The following P2RY12 variants were observed in gnomAD, a reference collection of about 807,000 sequenced individuals.
The protein encoded by P2RY12 is P2Y purinoceptor 12.
A neutral mutation model predicts 4.5 loss-of-function variants in P2RY12; 3 were observed. That is an observed-to-expected ratio of 0.67 (90% CI 0.31 to 1.74). The LOEUF (loss-of-function observed/expected upper bound fraction) is 1.74. P2RY12 is among the 40% of genes most tolerant of loss of function. The probability of loss-of-function intolerance (pLI) is 0.09; values close to 1 mark genes in which losing one functional copy is unlikely to be tolerated. For synonymous variants in P2RY12, 148 were observed against 154.1 expected (o/e 0.96, Z 0.29); for missense variants, 356 against 407.8 (o/e 0.87, Z 1.09).
At chr3:151,384,324 T>A in intron 1 of P2RY12, 1 of 1,147,918 alleles carries the variant, frequency 8.7e-7, no homozygotes, top group Non-Finnish European at 1.2e-6. Context: ...GTATTCAACT[T>A]AATTTAATGT....
intron 1 of P2RY12, among the ~76,000 whole-genome samples, chr3:151,368,586 A>ATTTATTTTATTTTATTTTATTTTAT (rs71637017): frequency 9.9e-5 from 12 of 120,802 alleles, no homozygotes; most frequent in African/African-American, 3.7e-4. Context: ...GGCAATGGTG[A>ATTTATTTTATTTTATTTTATTTTAT]TTTATTTTAT....
intron 1 of P2RY12, among the ~76,000 whole-genome samples, chr3:151,371,073 G>A (rs950621172): frequency 6.6e-6 from 1 of 152,212 alleles, no homozygotes; most frequent in East Asian, 1.9e-4. Flanking sequence ...TACCTTCTCT[G>A]TTGTCCTAAC....
chr3:151,350,223 C>T, intron 1 of P2RY12: 1 of 1,610,148 alleles, frequency 6.2e-7, no homozygotes, highest in Non-Finnish European at 8.5e-7. Flanking sequence ...AACCTTAATG[C>T]ATTTGCTCCC....
intron 1 of P2RY12, among the ~76,000 whole-genome samples, chr3:151,346,208 T>A (rs1752517797): frequency 6.6e-6 from 1 of 152,208 alleles, no homozygotes; most frequent in Admixed American, 6.5e-5. Flanking sequence ...AGTAGAAAGA[T>A]GTTCCTTTCT....
intron 1 of P2RY12, chr3:151,377,297 A>C (rs1386315896): frequency 1.3e-6 from 1 of 748,082 alleles, no homozygotes; most frequent in East Asian, 2.7e-5. Flanking sequence ...AGTTACTTGT[A>C]AGCAGGGATT....
chr3:151,349,773 AG>A (rs1752989864), intron 1 of P2RY12, among the ~76,000 whole-genome samples: 1 of 152,170 alleles, frequency 6.6e-6, no homozygotes, highest in Non-Finnish European at 1.5e-5. Flanking sequence ...AACAATGAAA[AG>A]TTTTTCAATA....
At chr3:151,340,835 A>G (rs959117405) in intron 1 of P2RY12, 75 bp from the exon 2 acceptor site, 4 of 152,536 alleles carry the variant, frequency 2.6e-5, no homozygotes, top group Admixed American at 1.3e-4. Flanking sequence ...ACTCAAAGCT[A>G]TGCAGACACT....
intron 1 of P2RY12, chr3:151,357,208 TAC>T: frequency 6.3e-7 from 1 of 1,589,508 alleles, no homozygotes; most frequent in Non-Finnish European, 8.6e-7. Flanking sequence ...TTTCTCCTGT[TAC>T]AGTTACTAAA....
At position 151,380,173 on chromosome 3, in the gene P2RY12, A is replaced by G. The variant is rs751276661; in HGVS notation, c.-180+4519T>C. On this transcript the variant is annotated intron_variant, in intron 1 of 2. Transcript: ENST00000302632. ...TGGTACTTACCTGCCTTAAGGGACA[A>G]GATGAACAAAGGGAAGGCCTCCTAA... 1.9e-6 allele frequency: 3 copies of G among 1,610,788 alleles called. No homozygotes were observed. In the Admixed American group the frequency reaches 5.1e-5, roughly 27 times the overall value.
At chr3:151,369,559 T>G (rs767606974) in intron 1 of P2RY12, 1 of 1,548,520 alleles carries the variant, frequency 6.5e-7, no homozygotes, top group Non-Finnish European at 8.9e-7. Flanking sequence ...GGTAAGATTA[T>G]TCTGACCCTA....
chr3:151,348,528 G>A (rs1484948264), intron 1 of P2RY12, among the ~76,000 whole-genome samples: 1 of 151,178 alleles, frequency 6.6e-6, no homozygotes, highest in Admixed American at 6.6e-5. Context: ...AGGTACTCAG[G>A]ATATTAAATA....
chr3:151,372,628 A>G, intron 1 of P2RY12: 1 of 1,613,938 alleles, frequency 6.2e-7, no homozygotes, highest in Non-Finnish European at 8.5e-7. Flanking sequence ...TCACCATGAG[A>G]GGTTTGCGAT....
intron 1 of P2RY12, among the ~76,000 whole-genome samples, chr3:151,341,403 T>C (rs1262793273): frequency 6.7e-6 from 1 of 149,810 alleles, no homozygotes; most frequent in African/African-American, 2.5e-5. Flanking sequence ...ATATAAACAA[T>C]TTTTTTTTGT....
intron 1 of P2RY12, chr3:151,366,056 T>C: frequency 3.8e-6 from 5 of 1,330,258 alleles, no homozygotes; most frequent in Non-Finnish European, 5.0e-6. Flanking sequence ...TGGGTAATCT[T>C]TTTGCTTTTG....
At chr3:151,376,695 G>T in intron 1 of P2RY12, 2 of 916,106 alleles carry the variant, frequency 2.2e-6, no homozygotes, top group Non-Finnish European at 3.4e-6. Context: ...ATTTCATTGT[G>T]TATGATTATT....
intron 1 of P2RY12, chr3:151,372,722 T>G: frequency 3.1e-6 from 5 of 1,613,884 alleles, no homozygotes; most frequent in Non-Finnish European, 4.2e-6. Context: ...AACTGCCAAT[T>G]TAAGAGAATA....
At chr3:151,365,280 G>T (rs1046307367) in intron 1 of P2RY12, 2 of 1,227,112 alleles carry the variant, frequency 1.6e-6, no homozygotes, top group Non-Finnish European at 2.4e-6. Context: ...AATTGATGTC[G>T]TTAGTAAGTG....
At chr3:151,354,373 T>C (rs139489178) in intron 1 of P2RY12, among the ~76,000 whole-genome samples, 45 of 152,282 alleles carry the variant, frequency 3.0e-4, no homozygotes, top group African/African-American at 1.0e-3. Flanking sequence ...CAAACCTCTT[T>C]ATGCTAATTT....
chr3:151,355,260 A>G (rs1577418247), intron 1 of P2RY12: 2 of 1,525,426 alleles, frequency 1.3e-6, no homozygotes, highest in Middle Eastern at 1.7e-4. Context: ...AAAGCTGTTT[A>G]TTATGCATTT....
Sources: gnomAD v4.1 joint callset for allele counts (sites outside exome capture counted in the v4.1 genomes callset) on GRCh38, gnomAD v4.1.1 for gene constraint, MANE v1.5 for transcripts, NCBI Gene and HGNC (gene_info 2026-07-23, HGNC 2026-07-21) for gene names.